The following CCDC148 variants were observed in gnomAD, a reference collection of about 807,000 sequenced individuals.
CCDC148 encodes coiled-coil domain-containing protein 148.
In CCDC148, 89 loss-of-function variants were observed where a neutral mutation model predicts 85.7. The observed-to-expected ratio is 1.04, with a 90% confidence interval of 0.87 to 1.24. The LOEUF is 1.24. Among genes scored for constraint, CCDC148 ranks in the 50% most tolerant of loss-of-function variants. CCDC148 has a pLI of 0.00. For missense variants in CCDC148, 692 were observed against 671.7 expected (o/e 1.03, Z -0.33); for synonymous variants, 230 against 213.9 (o/e 1.08, Z -0.66).
intron 7 of CCDC148, among the ~76,000 whole-genome samples, chr2:158,327,859 CT>C (rs1692862547): frequency 6.6e-6 from 1 of 151,954 alleles, no homozygotes; most frequent in African/African-American, 2.4e-5. Flanking sequence ...TTTTACATTT[CT>C]TGTTAAATTA....
intron 9 of CCDC148, among the ~76,000 whole-genome samples, chr2:158,271,433 C>T (rs1477348651): frequency 6.6e-6 from 1 of 152,092 alleles, no homozygotes; most frequent in Non-Finnish European, 1.5e-5. Context: ...AATTTTGTGC[C>T]GTCCTGCAGT....
At chr2:158,361,192 C>T (rs568579239) in intron 1 of CCDC148, among the ~76,000 whole-genome samples, 3 of 151,814 alleles carry the variant, frequency 2.0e-5, no homozygotes, top group South Asian at 2.1e-4. Context: ...ACCAAACCTA[C>T]GTTTGATAGG....
rs144976776 is a variant in CCDC148 at position 158,419,878 on chromosome 2, A to T, written c.25+36537T>A. 2 of 152,230 alleles carry T rather than the reference A, an allele frequency of 1.3e-5. 1 individual carries two copies. Among genetic ancestry groups the T allele is most frequent in the East Asian group, 3.9e-4 (2 of 5,182 alleles). The allele number at this position is 152,230 out of a possible 1,614,324, so 9.4% of individuals were successfully genotyped here. A position where few individuals can be genotyped will look rare whatever the true frequency, so the allele number is the denominator to read the frequency against. ...TCTTTCCCCACCCCTAGAAAGAAAA[A>T]ATTTTCCCACCCCTAGAAAGGAAAA... On this transcript the variant is annotated intron_variant, in intron 1 of 13. Transcript: ENST00000283233.
intron 1 of CCDC148, among the ~76,000 whole-genome samples, chr2:158,456,203 A>C (rs1449643567): frequency 1.3e-5 from 2 of 152,202 alleles, no homozygotes; most frequent in African/African-American, 2.4e-5. Context: ...TCTATCATAC[A>C]ATCCGCCACC....
intron 1 of CCDC148, chr2:158,425,081 G>A (rs1005427787): frequency 8.6e-6 from 4 of 462,444 alleles, no homozygotes; most frequent in Non-Finnish European, 1.7e-5. Context: ...GGCATAATTG[G>A]AATCAATGAT....
intron 3 of CCDC148, among the ~76,000 whole-genome samples, chr2:158,344,829 T>C (rs1417495093): frequency 4.6e-5 from 7 of 152,150 alleles, no homozygotes; most frequent in Non-Finnish European, 1.5e-5. Flanking sequence ...TTCTACTATA[T>C]AAAAATGAAT....
In CCDC148 at chr2:158,313,912, G is replaced by A. The variant is rs374430889; in HGVS notation, c.765-18C>T. 2 of 1,607,424 alleles carry A rather than the reference G, an allele frequency of 1.2e-6. No individual in the cohort carries two copies. Among genetic ancestry groups the A allele is most frequent in the East Asian group, 2.2e-5 (1 of 44,710 alleles). ...GACAGTTTCTAGAAGCAACAAAAAT[G>A]TCACAACATATTATTGAGCAATCAT... On this transcript the variant is annotated intron_variant, in intron 7 of 13. Transcript: ENST00000283233.
chr2:158,432,947 A>C (rs1372518527), intron 1 of CCDC148, among the ~76,000 whole-genome samples: 1 of 151,072 alleles, frequency 6.6e-6, no homozygotes, highest in Non-Finnish European at 1.5e-5. Flanking sequence ...TAACATAGGT[A>C]AAATTATAGG....
At chr2:158,320,603 C>T (rs973520550) in intron 7 of CCDC148, among the ~76,000 whole-genome samples, 12 of 152,156 alleles carry the variant, frequency 7.9e-5, no homozygotes, top group African/African-American at 2.4e-4. Context: ...CATATAGCTA[C>T]ACATATTTTA....
intron 10 of CCDC148, among the ~76,000 whole-genome samples, chr2:158,230,998 T>C (rs1008732567): frequency 2.0e-5 from 3 of 151,916 alleles, no homozygotes; most frequent in Non-Finnish European, 4.4e-5. Context: ...AGGAAGAAAA[T>C]TGGGAGCTCA....
intron 1 of CCDC148, among the ~76,000 whole-genome samples, chr2:158,406,630 T>TTTTC (rs1553518865): frequency 0.074 from 10,140 of 136,748 alleles, 848 homozygotes; most frequent in Non-Finnish European, 0.1. Context: ...TTTTTTTTTT[T>TTTTC]TTTTTTTTTT....
intron 13 of CCDC148, among the ~76,000 whole-genome samples, chr2:158,175,521 C>T (rs1684537151): frequency 6.6e-6 from 1 of 151,958 alleles, no homozygotes; most frequent in Non-Finnish European, 1.5e-5. Context: ...GAGTTGATCC[C>T]ACCCTGGTGG....
intron 9 of CCDC148, among the ~76,000 whole-genome samples, chr2:158,294,801 G>A (rs1448145026): frequency 1.4e-5 from 2 of 146,158 alleles, no homozygotes; most frequent in African/African-American, 2.6e-5. Flanking sequence ...TCCAGCCTGG[G>A]TGACAGAGCA....
chr2:158,360,915 C>T (rs1309683956), intron 1 of CCDC148, among the ~76,000 whole-genome samples: 1 of 151,794 alleles, frequency 6.6e-6, no homozygotes, highest in African/African-American at 2.4e-5. Context: ...TGCAAGGAAG[C>T]TAAGAACCTT....
chr2:158,398,192 C>A (rs896595054), intron 1 of CCDC148, among the ~76,000 whole-genome samples: 8 of 151,910 alleles, frequency 5.3e-5, no homozygotes, highest in African/African-American at 1.9e-4. Flanking sequence ...ACTTTAACAC[C>A]CCACTCTCAA....
intron 10 of CCDC148, among the ~76,000 whole-genome samples, chr2:158,223,667 T>C (rs187683126): frequency 2.0e-5 from 3 of 152,288 alleles, no homozygotes; most frequent in African/African-American, 7.2e-5. Flanking sequence ...TTCACCAATA[T>C]TCACTGTTCT....
chr2:158,430,341 A>G (rs547531282), intron 1 of CCDC148, among the ~76,000 whole-genome samples: 1 of 152,316 alleles, frequency 6.6e-6, no homozygotes, highest in South Asian at 2.1e-4. Context: ...CAGCCTGCCA[A>G]AACAAGGCCA....
chr2:158,387,722 A>G (rs1685148861), intron 1 of CCDC148, among the ~76,000 whole-genome samples: 1 of 151,712 alleles, frequency 6.6e-6, no homozygotes, highest in Non-Finnish European at 1.5e-5. Flanking sequence ...CTGTCCCTCC[A>G]TGATGATGTT....
chr2:158,187,498 T>G (rs1035822324), intron 11 of CCDC148, among the ~76,000 whole-genome samples: 1 of 152,106 alleles, frequency 6.6e-6, no homozygotes, highest in African/African-American at 2.4e-5. Context: ...CACTTCTCAT[T>G]TAGTCCAAAC....
Sources: allele counts gnomAD v4.1 joint callset (sites outside exome capture counted in the v4.1 genomes callset), GRCh38; gene constraint gnomAD v4.1.1; transcripts MANE v1.5; gene names NCBI Gene and HGNC (gene_info 2026-07-23, HGNC 2026-07-21).